AGBL4: variants seen among roughly 807,000 people sequenced by gnomAD.
The protein encoded by AGBL4 is cytosolic carboxypeptidase 6.
AGBL4 carries 58 observed loss-of-function variants against 66.4 expected under a neutral mutation model. The observed-to-expected ratio is 0.87, with a 90% CI of 0.71 to 1.09. The LOEUF (loss-of-function observed/expected upper bound fraction) is 1.09. Among genes scored for constraint, AGBL4 ranks in the 50% least tolerant of loss-of-function variants. The pLI, the probability that AGBL4 is intolerant of heterozygous loss-of-function variation, is 0.00. For synonymous variants in AGBL4, 234 were observed against 222.9 expected, an observed-to-expected ratio of 1.05 and a Z score of -0.44; for missense variants, 579 against 631.0, an observed-to-expected ratio of 0.92 and a Z score of 0.88.
intron 1 of AGBL4, among the ~76,000 whole-genome samples, chr1:49,973,349 A>G (rs913551690): frequency 1.3e-5 from 2 of 152,106 alleles, no homozygotes; most frequent in East Asian, 3.9e-4. Flanking sequence ...ACCTGTGACT[A>G]TTTAAATTTA....
Position 49,963,474 on chromosome 1 carries a change from C to T in AGBL4, c.34+60289G>A, listed in dbSNP as rs12073900. On this transcript the variant is annotated intron_variant, in intron 1 of 13. Transcript: ENST00000371839. Reference sequence around the variant, plus strand: ...GCTAAGGCAATTATTTGAACTGCTGCAGTATTCATCAGTTAGCTAGCTCCC... The same window carrying T: ...GCTAAGGCAATTATTTGAACTGCTGTAGTATTCATCAGTTAGCTAGCTCCC... Among the ~76,000 whole-genome samples, 672 of 152,228 alleles carry T rather than the reference C, an allele frequency of 4.4e-3. 9 individuals carry two copies. Among genetic ancestry groups the T allele is most frequent in the African/African-American group, 0.015 (630 of 41,550 alleles).
chr1:49,952,984 C>A (rs760674483), intron 1 of AGBL4, among the ~76,000 whole-genome samples: 3 of 151,862 alleles, frequency 2.0e-5, no homozygotes, highest in Admixed American at 6.6e-5. Flanking sequence ...TTCTGAAAAC[C>A]AACCTCCATG....
chr1:48,564,224 A>G (rs1051303007), intron 11 of AGBL4, among the ~76,000 whole-genome samples: 8 of 152,094 alleles, frequency 5.3e-5, no homozygotes, highest in African/African-American at 1.9e-4. Context: ...ATCCGTTCTT[A>G]TCACTGCTGC....
intron 11 of AGBL4, among the ~76,000 whole-genome samples, chr1:48,574,088 G>A (rs1644611284): frequency 6.6e-6 from 1 of 152,174 alleles, no homozygotes; most frequent in Non-Finnish European, 1.5e-5. Context: ...TTATATCTCA[G>A]CTATTAGCTT....
At chr1:49,816,513 T>TATA (rs1412252099) in intron 2 of AGBL4, among the ~76,000 whole-genome samples, 1 of 152,092 alleles carries the variant, frequency 6.6e-6, no homozygotes, top group Non-Finnish European at 1.5e-5. Flanking sequence ...TAGATATGAG[T>TATA]ATAGACATGG....
At chr1:49,858,334 T>A (rs937831080) in intron 1 of AGBL4, among the ~76,000 whole-genome samples, 3 of 152,262 alleles carry the variant, frequency 2.0e-5, no homozygotes, top group Non-Finnish European at 4.4e-5. Context: ...AAAAGTTGCC[T>A]AAATATCTAA....
At chr1:49,929,749 T>C (rs1433967933) in intron 1 of AGBL4, among the ~76,000 whole-genome samples, 2 of 152,138 alleles carry the variant, frequency 1.3e-5, no homozygotes, top group Non-Finnish European at 2.9e-5. Flanking sequence ...ATAAAGACTT[T>C]TTATATTATC....
intron 3 of AGBL4, among the ~76,000 whole-genome samples, chr1:49,481,097 G>A (rs1727983): frequency 0.068 from 10,363 of 152,002 alleles, 1,143 homozygotes; most frequent in African/African-American, 0.23. Flanking sequence ...TTTACTTAGG[G>A]TTGCCTTGGC....
intron 3 of AGBL4, among the ~76,000 whole-genome samples, chr1:49,499,140 C>A (rs1335914281): frequency 1.3e-5 from 2 of 151,764 alleles, no homozygotes; most frequent in East Asian, 3.9e-4. Context: ...GATATTAATT[C>A]TTCTTTAAAT....
Position 49,045,776 on chromosome 1 carries a change from A to C in AGBL4, c.402T>G (p.Val134=). The C allele has an allele frequency of 6.4e-7, 1 of 1,551,432 alleles. No individual in the cohort carries two copies. The highest frequency in any genetic ancestry group is 8.7e-7 in the Non-Finnish European group (1 of 1,146,722). The change falls in exon 5 of 14, where the codon GTT becomes GTG. Residue 134 remains valine (V), a synonymous_variant. Coordinates refer to ENST00000371839, the MANE Select transcript of AGBL4 (RefSeq NM_032785.4). The stretch of plus-strand genomic sequence containing the variant: ...TATGGTCCGGGCAGCGGTAGTAGTA[A>C]ACATTTTTGGGTGGCAGCCTTTGCC... The part of the protein sequence containing the change: ...PKWQRLPPKN[V]YYYRCPDHRK...
intron 3 of AGBL4, among the ~76,000 whole-genome samples, chr1:49,370,116 A>T (rs985860703): frequency 1.4e-5 from 2 of 140,244 alleles, no homozygotes; most frequent in Non-Finnish European, 3.1e-5. Flanking sequence ...AATATATAAT[A>T]TATTATTTTA....
intron 2 of AGBL4, among the ~76,000 whole-genome samples, chr1:49,729,022 C>G (rs1191001247): frequency 6.6e-6 from 1 of 152,152 alleles, no homozygotes; most frequent in Non-Finnish European, 1.5e-5. Context: ...TCTCTCCATA[C>G]AGAAAAGTGC....
chr1:48,641,825 G>A (rs1645759684), intron 8 of AGBL4, among the ~76,000 whole-genome samples: 1 of 152,166 alleles, frequency 6.6e-6, no homozygotes, highest in Admixed American at 6.5e-5. Context: ...ATTATACTCT[G>A]TCTTAGCAGT....
At chr1:48,844,498 C>G (rs972407396) in intron 6 of AGBL4, among the ~76,000 whole-genome samples, 3 of 152,210 alleles carry the variant, frequency 2.0e-5, no homozygotes, top group Non-Finnish European at 4.4e-5. Context: ...ACTGAGCTCT[C>G]ATGTGCAAAG....
chr1:49,458,646 T>C, intron 3 of AGBL4, among the ~76,000 whole-genome samples: 1 of 151,826 alleles, frequency 6.6e-6, no homozygotes, highest in East Asian at 1.9e-4. Flanking sequence ...TCAGGGAGAA[T>C]GCTTTCAATT....
intron 2 of AGBL4, among the ~76,000 whole-genome samples, chr1:49,815,342 C>T (rs1175933968): frequency 6.6e-6 from 1 of 152,148 alleles, no homozygotes; most frequent in Non-Finnish European, 1.5e-5. Context: ...TTGCAAATGA[C>T]AGGATCTCAT....
chr1:48,555,439 T>C (rs1241613592), intron 11 of AGBL4, among the ~76,000 whole-genome samples: 2 of 152,144 alleles, frequency 1.3e-5, no homozygotes, highest in African/African-American at 2.4e-5. Context: ...AACAGCATCC[T>C]GAATAAAGGC....
intron 3 of AGBL4, among the ~76,000 whole-genome samples, chr1:49,565,921 G>A (rs1343823814): frequency 5.3e-5 from 8 of 152,068 alleles, no homozygotes; most frequent in African/African-American, 1.9e-4. Context: ...CATTCTCCCC[G>A]TCACTTTCAG....
chr1:49,738,094 G>A (rs115959871), intron 2 of AGBL4, among the ~76,000 whole-genome samples: 8,070 of 152,292 alleles, frequency 0.053, 245 homozygotes, highest in African/African-American at 0.071. Flanking sequence ...AGTATGAGCC[G>A]AAGCAGGGCG....
Sources: gnomAD v4.1 joint callset for allele counts (sites outside exome capture counted in the v4.1 genomes callset) on GRCh38, gnomAD v4.1.1 for gene constraint, MANE v1.5 for transcripts, NCBI Gene and HGNC (gene_info 2026-07-23, HGNC 2026-07-21) for gene names.